ABCC3: variants seen among roughly 807,000 people sequenced by gnomAD.
ABCC3 encodes ATP binding cassette subfamily C member 3.
In ABCC3, 121 loss-of-function variants were observed where a neutral mutation model predicts 165.3. The observed-to-expected ratio is 0.73, with a 90% CI of 0.63 to 0.85. The LOEUF (loss-of-function observed/expected upper bound fraction) is 0.85. Among genes scored for constraint, ABCC3 ranks in the 40% least tolerant of loss-of-function variants. The probability of loss-of-function intolerance (pLI) is 0.00; values close to 1 mark genes in which losing one functional copy is unlikely to be tolerated. For synonymous variants in ABCC3, 733 were observed against 810.1 expected, an observed-to-expected ratio of 0.90 and a Z score of 1.62; for missense variants, 1,869 against 1,964.1, an observed-to-expected ratio of 0.95 and a Z score of 0.92.
At chr17:50,648,380 G>A (rs1412580133) in intron 1 of ABCC3, among the ~76,000 whole-genome samples, 2 of 152,154 alleles carry the variant, frequency 1.3e-5, no homozygotes, top group Non-Finnish European at 1.5e-5. Flanking sequence ...TGCATAAGGA[G>A]AGATGAAACA....
chr17:50,654,094 C>G (rs1967173065), intron 1 of ABCC3, among the ~76,000 whole-genome samples: 1 of 152,082 alleles, frequency 6.6e-6, no homozygotes. Context: ...CAAAACCAAA[C>G]CAAATCAACC....
chr17:50,667,254 G>T (rs773827201), intron 11 of ABCC3, among the ~76,000 whole-genome samples: 39 of 151,670 alleles, frequency 2.6e-4, no homozygotes, highest in Non-Finnish European at 4.1e-4. Context: ...ATAATAAGAA[G>T]AAGAAAAAGA....
intron 1 of ABCC3, among the ~76,000 whole-genome samples, chr17:50,647,911 A>G (rs531113873): frequency 6.6e-6 from 1 of 152,130 alleles, no homozygotes; most frequent in Non-Finnish European, 1.5e-5. Flanking sequence ...TGGTGGTGGA[A>G]GCCTGTAATC....
chr17:50,672,479 C>T (rs116621563), intron 17 of ABCC3, among the ~76,000 whole-genome samples: 1 of 152,328 alleles, frequency 6.6e-6, no homozygotes, highest in South Asian at 2.1e-4. Flanking sequence ...AATGGCCTCA[C>T]CTGCCCCAGG....
chr17:50,673,321 G>A, intron 18 of ABCC3, 148 bp from the exon 19 acceptor site: 2 of 1,242,548 alleles, frequency 1.6e-6, no homozygotes, highest in Non-Finnish European at 1.1e-6. Flanking sequence ...TTCTGAGCAG[G>A]CTGTGGCGAG....
intron 27 of ABCC3, 88 bp downstream of exon 27, chr17:50,683,844 C>A: frequency 6.4e-7 from 1 of 1,559,464 alleles, no homozygotes; most frequent in Non-Finnish European, 8.7e-7. Context: ...CTTTTGAGAG[C>A]ACAAGTGCTC....
intron 1 of ABCC3, among the ~76,000 whole-genome samples, chr17:50,650,464 G>T (rs1967094108): frequency 6.6e-6 from 1 of 152,110 alleles, no homozygotes; most frequent in South Asian, 2.1e-4. Flanking sequence ...TAACCAGCTT[G>T]ATCACCCATA....
In ABCC3 at chr17:50,661,119, C is replaced by G; in HGVS notation, c.998+5C>G. 3 of 1,608,888 alleles carry G rather than the reference C, an allele frequency of 1.9e-6. No homozygotes were observed. The highest frequency in any genetic ancestry group is 2.5e-6 in the Non-Finnish European group (3 of 1,176,520). ...CATCAATCCACAGCTGCTCAGGTCT[C>G]TCCACACTCCGGCTCACTATAGCCC... On this transcript the variant is annotated splice_donor_5th_base_variant and intron_variant, in intron 8 of 30. Transcript: ENST00000285238.
At chr17:50,680,862 G>T (rs1311938982) in intron 26 of ABCC3, among the ~76,000 whole-genome samples, 1 of 152,054 alleles carries the variant, frequency 6.6e-6, no homozygotes, top group African/African-American at 2.4e-5. Flanking sequence ...ATCTCTTGAG[G>T]TCGGGAGTTC....
intron 8 of ABCC3, among the ~76,000 whole-genome samples, chr17:50,662,657 A>G (rs528298570): frequency 0.051 from 7,526 of 146,588 alleles, 264 homozygotes; most frequent in Non-Finnish European, 0.077. Flanking sequence ...AAAAAAAAAA[A>G]AGAGAGAGAG....
At chr17:50,673,437 G>A (rs1169713919) in intron 18 of ABCC3, 32 bp from the exon 19 acceptor site, 1 of 1,606,302 alleles carries the variant, frequency 6.2e-7, no homozygotes, top group South Asian at 1.1e-5. Context: ...CTGGAGGGTG[G>A]TAGGGGTGAG....
At chr17:50,678,659 A>C (rs1446848869) in intron 25 of ABCC3, among the ~76,000 whole-genome samples, 1 of 152,152 alleles carries the variant, frequency 6.6e-6, no homozygotes, top group African/African-American at 2.4e-5. Flanking sequence ...GCAGTGGCTC[A>C]CACCTAATCC....
intron 7 of ABCC3, among the ~76,000 whole-genome samples, chr17:50,659,654 C>A (rs1397146772): frequency 3.3e-5 from 5 of 151,902 alleles, no homozygotes; most frequent in Non-Finnish European, 2.9e-5. Flanking sequence ...TTTTCAACAG[C>A]CCTAAAGGGT....
Position 50,676,257 on chromosome 17 carries a change from G to A in ABCC3, c.3068-21G>A, listed in dbSNP as rs538615218. 275 of 1,603,028 alleles carry A rather than the reference G, an allele frequency of 1.7e-4. 2 individuals are homozygous for A. In the East Asian group the frequency reaches 4.8e-3, roughly 28 times the overall value. ...CGCTCACTAGTCCAGGTGAGCCAGC[G>A]CCCTCTGCCTTCTCCAACAGGGTTC... On this transcript the variant is annotated intron_variant, in intron 22 of 30. Coordinates refer to ENST00000285238, the MANE Select transcript of ABCC3 (RefSeq NM_003786.4).
chr17:50,663,026 C>G (rs891856649), intron 8 of ABCC3: 2 of 153,048 alleles, frequency 1.3e-5, no homozygotes, highest in African/African-American at 4.8e-5. Flanking sequence ...CCTCCGACAG[C>G]CTGAGCACCA....
Position 50,686,907 on chromosome 17 carries a change from C to A in ABCC3, c.4281-629C>A, listed in dbSNP as rs549842018. ...GTCCTTGGATGTGGGGATGCTGTGG[C>A]CTCTGGTTGGGAACACAGCCTCGTT... On this transcript the variant is annotated intron_variant, in intron 29 of 30. Transcript: ENST00000285238. Among the ~76,000 whole-genome samples the A allele has an allele frequency of 1.4e-3, 207 of 152,246 alleles. 1 individual carries two copies. Among genetic ancestry groups the A allele is most frequent in the Non-Finnish European group, 5.4e-4 (37 of 68,022 alleles).
At position 50,675,668 on chromosome 17, in the gene ABCC3, G is replaced by A; in HGVS notation, c.2752G>A (p.Gly918Ser). 1 of 1,573,064 alleles carries A rather than the reference G, an allele frequency of 6.4e-7. No individual in the cohort carries two copies. Among genetic ancestry groups the A allele is most frequent in the East Asian group, 2.3e-5 (1 of 42,852 alleles). ...SALSSDGEGQ[G>S]RPVPRRHLGP... is the part of the protein sequence containing the mutation. ...CCTGTCCTCAGATGGGGAGGGACAG[G>A]GTCGGCCTGTACCCCGGAGGCACCT... Residue 918 changes from glycine to serine, a missense_variant, in exon 21 of 31, where the codon GGT becomes AGT. By Grantham distance (56) the Gly-to-Ser change is moderately conservative. Coordinates refer to ENST00000285238, the MANE Select transcript of ABCC3 (RefSeq NM_003786.4).
At chr17:50,682,260 C>A (rs528229102) in intron 26 of ABCC3, among the ~76,000 whole-genome samples, 1 of 151,470 alleles carries the variant, frequency 6.6e-6, no homozygotes, top group South Asian at 2.1e-4. Flanking sequence ...CACTGGGCCT[C>A]CCAAATTATG....
At position 50,684,808 on chromosome 17, in the gene ABCC3, C is replaced by T. The variant is rs1045001506; in HGVS notation, c.4213C>T (p.His1405Tyr). 5 of 1,614,058 alleles carry T rather than the reference C, an allele frequency of 3.1e-6. No homozygotes were observed. Among genetic ancestry groups the T allele is most frequent in the Admixed American group, 3.3e-5 (2 of 60,002 alleles). The change falls in exon 29 of 31, where the codon CAC becomes TAC. Residue 1405 changes from histidine to tyrosine, a missense_variant. Coordinates refer to ENST00000285238, the MANE Select transcript of ABCC3 (RefSeq NM_003786.4). Reference protein sequence around the residue: ...IWWALELSHLHTFVSSQPAGL... With the variant: ...IWWALELSHLYTFVSSQPAGL... Reference sequence around the variant, plus strand: ...GTGGGCTTTGGAGCTGTCCCACCTGCACACGTTTGTGAGCTCCCAGCCGGC... The same window carrying T: ...GTGGGCTTTGGAGCTGTCCCACCTGTACACGTTTGTGAGCTCCCAGCCGGC...
Sources: allele counts gnomAD v4.1 joint callset (sites outside exome capture counted in the v4.1 genomes callset), GRCh38; gene constraint gnomAD v4.1.1; transcripts MANE v1.5; gene names NCBI Gene and HGNC (gene_info 2026-07-23, HGNC 2026-07-21).